Variants in NRG2 observed in about 807,000 individuals in gnomAD.
The protein encoded by NRG2 is neuregulin 2, also known as pro-neuregulin-2, membrane-bound isoform.
In NRG2, 27 loss-of-function variants were observed where a neutral mutation model predicts 73.9. The observed-to-expected ratio is 0.37, with a 90% CI of 0.27 to 0.50. The LOEUF is 0.50. Ranked by LOEUF, NRG2 falls within the 20% of genes least tolerant of loss-of-function variation. The pLI is 0.96. For synonymous variants in NRG2, 532 were observed against 541.0 expected (o/e 0.98, Z 0.23); for missense variants, 1,126 against 1,210.1 (o/e 0.93, Z 1.03).
intron 1 of NRG2, among the ~76,000 whole-genome samples, chr5:139,934,452 A>G (rs935799056): frequency 6.6e-6 from 1 of 152,196 alleles, no homozygotes; most frequent in African/African-American, 2.4e-5. Flanking sequence ...TAAGTTGAAC[A>G]TGTATGCCAT....
intron 2 of NRG2, among the ~76,000 whole-genome samples, chr5:139,885,700 C>T (rs188233539): frequency 3.3e-5 from 5 of 150,708 alleles, no homozygotes; most frequent in Non-Finnish European, 5.9e-5. Context: ...GGTACCAGGG[C>T]TCTGTGGGTG....
intron 1 of NRG2, among the ~76,000 whole-genome samples, chr5:139,949,581 T>C (rs9686889): frequency 0.15 from 23,354 of 152,230 alleles, 1,994 homozygotes; most frequent in South Asian, 0.25. Flanking sequence ...TCTGTACATA[T>C]ATATTTTTTT....
chr5:140,032,754 C>A (rs1369997104), intron 1 of NRG2, among the ~76,000 whole-genome samples: 1 of 152,106 alleles, frequency 6.6e-6, no homozygotes, highest in Non-Finnish European at 1.5e-5. Context: ...ATATAGGCCA[C>A]AAATACTAGG....
Position 139,887,381 on chromosome 5 carries a change from G to C in NRG2, c.831C>G (p.Leu277=). 1.2e-6 allele frequency: 2 copies of C among 1,614,226 alleles called. No homozygotes were observed. Among genetic ancestry groups the C allele is most frequent in the Non-Finnish European group, 1.7e-6 (2 of 1,180,032 alleles). Reference sequence around the variant, plus strand: ...TGATGCGAATGTCTCGGCTGCGGTTGAGCTCCTTGCCATCCTTGAACCAAC... The same window carrying C: ...TGATGCGAATGTCTCGGCTGCGGTTCAGCTCCTTGCCATCCTTGAACCAAC... The part of the protein sequence containing the change: ...SYRWFKDGKE[L]NRSRDIRIKY... Residue 277 remains leucine, a synonymous_variant, in exon 2 of 10, where the codon CTC becomes CTG. Coordinates refer to ENST00000361474, the MANE Select transcript of NRG2 (RefSeq NM_004883.3). The surrounding 1 kb of genome is among the most constrained non-coding windows in gnomAD (Gnocchi z 4.5).
At chr5:139,885,033 G>A (rs764083958) in intron 2 of NRG2, among the ~76,000 whole-genome samples, 9 of 152,136 alleles carry the variant, frequency 5.9e-5, no homozygotes, top group African/African-American at 1.2e-4. Flanking sequence ...CAGCAGGCAG[G>A]GGAGAGGCCA....
Position 140,016,981 on chromosome 5 carries a change from A to C in NRG2, c.700+25389T>G, listed in dbSNP as rs1759835424. 2.6e-5 allele frequency among the ~76,000 whole-genome samples: 4 copies of C among 152,216 alleles called. No homozygotes were observed. The South Asian group carries it at 8.3e-4, about 32-fold the overall frequency. On this transcript the variant is annotated intron_variant, in intron 1 of 9. Transcript: ENST00000361474. The stretch of plus-strand genomic sequence containing the variant: ...ATATATGCTAAAGAGATTGGAGCAG[A>C]GTAGGAGTGGCAGACTTAAATGTGA...
At chr5:139,982,316 A>G (rs114846569) in intron 1 of NRG2, among the ~76,000 whole-genome samples, 44 of 152,192 alleles carry the variant, frequency 2.9e-4, no homozygotes, top group African/African-American at 1.1e-3. Context: ...GCACTGTCCA[A>G]GCACATTCCC....
chr5:139,888,033 C>T (rs919007345), intron 1 of NRG2, among the ~76,000 whole-genome samples: 2 of 152,062 alleles, frequency 1.3e-5, no homozygotes, highest in Admixed American at 6.5e-5. Flanking sequence ...TTTTCTTAAA[C>T]GCCATTCTAT....
At chr5:139,902,673 C>T (rs1764963267) in intron 1 of NRG2, among the ~76,000 whole-genome samples, 1 of 152,168 alleles carries the variant, frequency 6.6e-6, no homozygotes. Context: ...CCTAGCTACC[C>T]TTCCAAAATG....
At position 139,938,883 on chromosome 5, in the gene NRG2, G is replaced by GGAAA. The variant is rs1376260476; in HGVS notation, c.701-51376_701-51373dup. On this transcript the variant is annotated intron_variant, in intron 1 of 9. Transcript: ENST00000361474. Reference sequence around the variant, plus strand: ...GAGAGAGAGAGAGAGAGAGAGAGAAGGAAAGAAAGAAAGAAAGAAAGAAAA... The same window carrying GGAAA: ...GAGAGAGAGAGAGAGAGAGAGAGAAGGAAAGAAAGAAAGAAAGAAAGAAAGAAAA... Among the ~76,000 whole-genome samples, 31 of 48,216 alleles carry GGAAA rather than the reference G, an allele frequency of 6.4e-4. 1 individual carries two copies. Among genetic ancestry groups the GGAAA allele is most frequent in the Middle Eastern group, 0.026 (2 of 76 alleles). 31.6% of individuals were successfully genotyped at this position (48,216 alleles called of 152,430 possible).
At chr5:139,890,075 T>A (rs1352411849) in intron 1 of NRG2, among the ~76,000 whole-genome samples, 5 of 152,126 alleles carry the variant, frequency 3.3e-5, no homozygotes. Flanking sequence ...TTGGAAAGGT[T>A]GCACCAATTT....
At chr5:139,849,218 A>G (rs1012940484) in intron 9 of NRG2, among the ~76,000 whole-genome samples, 1 of 152,214 alleles carries the variant, frequency 6.6e-6, no homozygotes, top group Non-Finnish European at 1.5e-5. Context: ...TACACAGCCA[A>G]GAAGTGGCAG....
intron 1 of NRG2, among the ~76,000 whole-genome samples, chr5:139,988,272 C>T (rs975801866): frequency 1.3e-5 from 2 of 151,966 alleles, no homozygotes; most frequent in African/African-American, 4.8e-5. Context: ...ATACTCTTAC[C>T]ATATAATCCA....
Position 139,865,203 on chromosome 5 carries a change from G to A in NRG2, c.1189+346C>T. The A allele has an allele frequency of 6.3e-7, 1 of 1,594,480 alleles. No individual in the cohort carries two copies. The highest frequency in any genetic ancestry group is 8.6e-7 in the Non-Finnish European group (1 of 1,162,384). On this transcript the variant is annotated intron_variant, in intron 5 of 9. Coordinates refer to ENST00000361474, the MANE Select transcript of NRG2 (RefSeq NM_004883.3). The surrounding 1 kb of genome is among the most constrained non-coding windows in gnomAD (Gnocchi z 5.2). ...CAAAAGAAAGAAAACCAGAAAGAGA[G>A]AGCCAGGATAGCAAGACACAGGCAT...
At chr5:139,855,879 A>C (rs1164070452) in intron 5 of NRG2, 101 bp from the exon 6 acceptor site, 50 of 846,264 alleles carry the variant, frequency 5.9e-5, no homozygotes, top group Non-Finnish European at 9.8e-5. Flanking sequence ...GGCTCTCCCC[A>C]GCTCAGGTCC....
At chr5:139,981,981 C>T (rs1360784311) in intron 1 of NRG2, among the ~76,000 whole-genome samples, 1 of 152,146 alleles carries the variant, frequency 6.6e-6, no homozygotes, top group Non-Finnish European at 1.5e-5. Context: ...ACAGCAATCT[C>T]CAAGGCTGTG....
At chr5:140,013,624 C>T (rs145062606) in intron 1 of NRG2, among the ~76,000 whole-genome samples, 21 of 152,330 alleles carry the variant, frequency 1.4e-4, no homozygotes, top group African/African-American at 4.8e-4. Flanking sequence ...CCTTTGTTCA[C>T]CTTTGTAGCA....
Position 139,848,234 on chromosome 5 carries a change from A to G in NRG2, c.2236T>C (p.Ser746Pro). Residue 746 changes from serine to proline, a missense_variant, in exon 10 of 10, where the codon TCG becomes CCG. By Grantham distance (74) the Ser-to-Pro change is moderately conservative (BLOSUM62 -1). Around this residue, in one of 3 missense-constraint regions of NRG2, gnomAD observed 402 missense variants for 357.8 expected, o/e 1.12. Coordinates refer to ENST00000361474, the MANE Select transcript of NRG2 (RefSeq NM_004883.3). ...TGCGCCGCCAGCCCGTTGAGGCGCG[A>G]GCGGCGCCAGCGCCGGGGCCCCGCC... ...TSAGPRRWRR[S>P]RLNGLAAQRA... is the part of the protein sequence containing the mutation. The G allele has an allele frequency of 8.7e-7, 1 of 1,154,904 alleles. No homozygotes were observed. The highest frequency in any genetic ancestry group is 1.1e-6 in the Non-Finnish European group (1 of 941,036). The allele number at this position is 1,154,904 out of a possible 1,614,324, so 71.5% of individuals were successfully genotyped here.
intron 1 of NRG2, among the ~76,000 whole-genome samples, chr5:139,994,772 C>G (rs1296282874): frequency 1.3e-5 from 2 of 152,074 alleles, no homozygotes; most frequent in Non-Finnish European, 2.9e-5. Flanking sequence ...AGAGGAAGGA[C>G]TGAGCTGGCC....
Sources: allele counts gnomAD v4.1 joint callset (sites outside exome capture counted in the v4.1 genomes callset), GRCh38; gene constraint gnomAD v4.1.1; regional missense constraint gnomAD v4.1.1; non-coding constraint Gnocchi (gnomAD v3.1); transcripts MANE v1.5; gene names NCBI Gene and HGNC (gene_info 2026-07-23, HGNC 2026-07-21).